Variants in RIC1 observed in about 807,000 individuals in gnomAD.
RIC1 encodes the protein RIC1 partner of RAB6A GEF complex.
Under a neutral mutation model 169.0 loss-of-function variants are expected in RIC1, and 88 were observed. The observed-to-expected ratio is 0.52, with a 90% CI of 0.44 to 0.62. The LOEUF (loss-of-function observed/expected upper bound fraction) is 0.62. Among genes scored for constraint, RIC1 ranks in the 20% least tolerant of loss-of-function variants. The pLI, the probability that RIC1 is intolerant of heterozygous loss-of-function variation, is 0.00. For synonymous variants in RIC1, 790 were observed against 601.5 expected, an observed-to-expected ratio of 1.31 and a Z score of -4.59; for missense variants, 1,877 against 1,725.5, an observed-to-expected ratio of 1.09 and a Z score of -1.56.
chr9:5,680,254 T>C (rs1483773926), intron 2 of RIC1, among the ~76,000 whole-genome samples: 2 of 152,250 alleles, frequency 1.3e-5, no homozygotes, highest in African/African-American at 4.8e-5. Context: ...AGTATTTTAT[T>C]GAGGATTTTT....
chr9:5,647,953 GTGGTGGTGGTGGTGGTGGTGA>G (rs1031895071), intron 1 of RIC1, among the ~76,000 whole-genome samples: 1 of 128,696 alleles, frequency 7.8e-6, no homozygotes, highest in African/African-American at 3.4e-5. Flanking sequence ...GGTGGTGGTG[GTGGTGGTGGTGGTGGTGGTGA>G]TGGTGGTGGT....
At chr9:5,684,018 A>T (rs1248638928) in intron 2 of RIC1, among the ~76,000 whole-genome samples, 1 of 151,736 alleles carries the variant, frequency 6.6e-6, no homozygotes, top group African/African-American at 2.4e-5. Context: ...GGTGGGAGTG[A>T]CTCGATTTTC....
In RIC1 at chr9:5,636,820, A is replaced by G. The variant is rs371389239; in HGVS notation, c.144+7367A>G. The stretch of plus-strand genomic sequence containing the variant: ...GCTTTTTCCTTTGAACTACTGCTTT[A>G]TATCGTAAGTTTTGCACTTATGCTT... On this transcript the variant is annotated intron_variant, in intron 1 of 25. Coordinates refer to ENST00000414202, the MANE Select transcript of RIC1 (RefSeq NM_020829.4). Among the ~76,000 whole-genome samples, 5 of 152,228 alleles carry G rather than the reference A, an allele frequency of 3.3e-5. No homozygotes were observed. The South Asian group carries it at 1.0e-3, about 32-fold the overall frequency.
intron 11 of RIC1, 143 bp from the exon 12 acceptor site, chr9:5,747,159 C>T: frequency 1.6e-6 from 1 of 641,732 alleles, no homozygotes; most frequent in Admixed American, 2.7e-5. Context: ...AGTCTTTGTC[C>T]TCTGTGAAGA....
Position 5,775,243 on chromosome 9 carries a change from A to T in RIC1, c.*997A>T, listed in dbSNP as rs749176216. The T allele has an allele frequency of 7.2e-5, 11 of 152,342 alleles. No homozygotes were observed. The highest frequency in any genetic ancestry group is 4.1e-4 in the South Asian group (2 of 4,830). 9.4% of individuals were successfully genotyped at this position (152,342 alleles called of 1,614,324 possible). On this transcript the variant is annotated 3_prime_UTR_variant, in exon 26 of 26. Transcript: ENST00000414202. Reference sequence around the variant, plus strand: ...AATAAAGATGGACTTCTATGTAAATAGACTGCTGAATCCTGTATTACCACG... The same window carrying T: ...AATAAAGATGGACTTCTATGTAAATTGACTGCTGAATCCTGTATTACCACG...
intron 1 of RIC1, among the ~76,000 whole-genome samples, chr9:5,638,558 A>C (rs1818085132): frequency 6.6e-6 from 1 of 152,208 alleles, no homozygotes. Context: ...TTCATGATTC[A>C]ATCTTGGTAG....
chr9:5,665,250 C>G (rs1819685052), intron 2 of RIC1, among the ~76,000 whole-genome samples: 1 of 152,184 alleles, frequency 6.6e-6, no homozygotes, highest in Non-Finnish European at 1.5e-5. Context: ...CTGCTTATCT[C>G]TCACATTGTC....
At chr9:5,757,521 A>G in intron 17 of RIC1, 70 bp downstream of exon 17, 1 of 1,535,244 alleles carries the variant, frequency 6.5e-7, no homozygotes, top group South Asian at 1.2e-5. Flanking sequence ...CATATTAGGA[A>G]GTATTTGTTT....
At chr9:5,674,227 T>G (rs1444514158) in intron 2 of RIC1, among the ~76,000 whole-genome samples, 1 of 152,140 alleles carries the variant, frequency 6.6e-6, no homozygotes, top group Non-Finnish European at 1.5e-5. Flanking sequence ...TTCTTGGGTT[T>G]TCTTCATTGA....
intron 11 of RIC1, 99 bp downstream of exon 11, chr9:5,746,182 A>G (rs1825367502): frequency 3.9e-6 from 3 of 774,672 alleles, no homozygotes; most frequent in African/African-American, 1.8e-5. Flanking sequence ...TAAAATTGGC[A>G]TATTATCTTC....
chr9:5,742,399 G>T (rs1005324197), intron 8 of RIC1, among the ~76,000 whole-genome samples: 35 of 152,046 alleles, frequency 2.3e-4, no homozygotes, highest in Admixed American at 2.0e-3. Context: ...AGTTTTTTCA[G>T]TGTGGAAGTC....
At chr9:5,709,738 G>A (rs1304006975) in intron 3 of RIC1, among the ~76,000 whole-genome samples, 1 of 152,116 alleles carries the variant, frequency 6.6e-6, no homozygotes, top group East Asian at 1.9e-4. Flanking sequence ...TTATGAGAAA[G>A]TCAGAATTTT....
At chr9:5,662,116 T>G (rs1200029468) in intron 2 of RIC1, among the ~76,000 whole-genome samples, 1 of 152,252 alleles carries the variant, frequency 6.6e-6, no homozygotes, top group Non-Finnish European at 1.5e-5. Flanking sequence ...CAGTTCTGTT[T>G]ATGTGATGAA....
At chr9:5,690,420 A>G (rs1181752195) in intron 3 of RIC1, among the ~76,000 whole-genome samples, 1 of 152,072 alleles carries the variant, frequency 6.6e-6, no homozygotes, top group East Asian at 1.9e-4. Context: ...AGAACCTCAG[A>G]CAGTTATTAC....
At chr9:5,656,838 A>G (rs1274798249) in intron 2 of RIC1, 148 bp downstream of exon 2, 4 of 537,744 alleles carry the variant, frequency 7.4e-6, no homozygotes, top group East Asian at 2.9e-5. Context: ...TGATTATTCT[A>G]TGTGGATTAC....
At chr9:5,641,104 T>A (rs1012536217) in intron 1 of RIC1, among the ~76,000 whole-genome samples, 1 of 151,844 alleles carries the variant, frequency 6.6e-6, no homozygotes, top group East Asian at 1.9e-4. Flanking sequence ...TTCTTTTTTT[T>A]TTTTTTGGAC....
chr9:5,651,243 A>G (rs983751184), intron 1 of RIC1, among the ~76,000 whole-genome samples: 2 of 152,154 alleles, frequency 1.3e-5, no homozygotes, highest in African/African-American at 2.4e-5. Flanking sequence ...AGGCCAAGCA[A>G]ACAACCTTGC....
At chr9:5,652,859 G>A (rs1011422416) in intron 1 of RIC1, among the ~76,000 whole-genome samples, 2 of 152,018 alleles carry the variant, frequency 1.3e-5, no homozygotes, top group African/African-American at 4.8e-5. Flanking sequence ...GGCTTTTATT[G>A]TGTTGAGTTA....
At chr9:5,650,955 G>C (rs1272462594) in intron 1 of RIC1, among the ~76,000 whole-genome samples, 3 of 152,170 alleles carry the variant, frequency 2.0e-5, no homozygotes, top group Non-Finnish European at 4.4e-5. Flanking sequence ...AGGGACTCTT[G>C]TGCTCAAGGG....
Sources: allele counts gnomAD v4.1 joint callset (sites outside exome capture counted in the v4.1 genomes callset), GRCh38; gene constraint gnomAD v4.1.1; transcripts MANE v1.5; gene names NCBI Gene and HGNC (gene_info 2026-07-23, HGNC 2026-07-21).